The following DOCK2 variants were observed in gnomAD, a reference collection of about 807,000 sequenced individuals.
DOCK2 encodes dedicator of cytokinesis 2.
In DOCK2, 87 loss-of-function variants were observed where a neutral mutation model predicts 248.9. The observed-to-expected ratio is 0.35, with a 90% CI of 0.29 to 0.42. The LOEUF is 0.42. Ranked by LOEUF, DOCK2 falls within the 10% of genes least tolerant of loss-of-function variation. The pLI is 1.00. For synonymous variants in DOCK2, 805 were observed against 821.6 expected (o/e 0.98, Z 0.35); for missense variants, 1,747 against 2,300.2 (o/e 0.76, Z 4.92).
At chr5:169,890,171 C>T (rs976168272) in intron 27 of DOCK2, among the ~76,000 whole-genome samples, 2 of 152,244 alleles carry the variant, frequency 1.3e-5, no homozygotes, top group Non-Finnish European at 2.9e-5. Flanking sequence ...GACCCCGACT[C>T]TTCCTCCATT....
At chr5:170,057,303 G>A (rs1757165779) in intron 43 of DOCK2, 9 of 487,964 alleles carry the variant, frequency 1.8e-5, no homozygotes, top group South Asian at 2.1e-5. Context: ...GAAAACAAAT[G>A]GACACATTCA....
intron 32 of DOCK2, among the ~76,000 whole-genome samples, chr5:170,017,536 C>T (rs192613374): frequency 1.1e-4 from 16 of 152,248 alleles, no homozygotes; most frequent in African/African-American, 3.9e-4. Flanking sequence ...TCATTTTGAC[C>T]AAACATCACA....
Position 170,069,179 on chromosome 5 carries a change from C to A in DOCK2, c.4687C>A (p.Gln1563Lys), listed in dbSNP as rs1397592123. 2 of 1,614,122 alleles carry A rather than the reference C, an allele frequency of 1.2e-6. No homozygotes were observed. Among genetic ancestry groups the A allele is most frequent in the South Asian group, 2.2e-5 (2 of 91,064 alleles). Reference sequence around the variant, plus strand: ...GTATGTCAGGGACCACCCTGAGGACCAGGACAAGCTGACCCACCTCAAGGA... The same window carrying A: ...GTATGTCAGGGACCACCCTGAGGACAAGGACAAGCTGACCCACCTCAAGGA... Reference protein sequence around the residue: ...EEYVRDHPEDQDKLTHLKDLI... With the variant: ...EEYVRDHPEDKDKLTHLKDLI... The change falls in exon 46 of 52, where the codon CAG (glutamine) becomes AAG (lysine). Residue 1563 changes from glutamine (Q) to lysine (K), a missense_variant. Around this residue, in one of 4 missense-constraint regions of DOCK2, gnomAD observed 513 missense variants for 586.1 expected, o/e 0.88. Coordinates refer to ENST00000520908, the MANE Select transcript of DOCK2 (RefSeq NM_004946.3).
intron 30 of DOCK2, among the ~76,000 whole-genome samples, chr5:170,004,592 A>G (rs1229036962): frequency 6.6e-6 from 1 of 151,552 alleles, no homozygotes; most frequent in Non-Finnish European, 1.5e-5. Context: ...ACTATAAATC[A>G]TGCTGCTATA....
chr5:169,649,143 C>T (rs1051240462), intron 1 of DOCK2, among the ~76,000 whole-genome samples: 1 of 152,244 alleles, frequency 6.6e-6, no homozygotes, highest in Non-Finnish European at 1.5e-5. Context: ...AGTGGAGACT[C>T]TCCAAAGTGA....
At chr5:169,959,655 G>A (rs1056261380) in intron 27 of DOCK2, among the ~76,000 whole-genome samples, 1 of 152,138 alleles carries the variant, frequency 6.6e-6, no homozygotes. Context: ...TTGGACTAAA[G>A]GACTTTAGGG....
At chr5:169,927,815 A>G (rs1162021325) in intron 27 of DOCK2, among the ~76,000 whole-genome samples, 2 of 152,082 alleles carry the variant, frequency 1.3e-5, no homozygotes, top group Non-Finnish European at 2.9e-5. Context: ...ATGGGGTTTC[A>G]CTGTGTTAGC....
chr5:170,060,131 A>G (rs1757279056), intron 44 of DOCK2, among the ~76,000 whole-genome samples: 1 of 152,232 alleles, frequency 6.6e-6, no homozygotes. Context: ...CTTCAAGTAT[A>G]AGTTCTGCCT....
At chr5:169,997,009 A>G (rs1754662402) in intron 30 of DOCK2, among the ~76,000 whole-genome samples, 1 of 152,120 alleles carries the variant, frequency 6.6e-6, no homozygotes, top group African/African-American at 2.4e-5. Context: ...TGTTCAGCAT[A>G]TGGAGGATCC....
chr5:169,771,338 C>T (rs1765076042), intron 25 of DOCK2, among the ~76,000 whole-genome samples: 3 of 152,198 alleles, frequency 2.0e-5, no homozygotes, highest in Non-Finnish European at 4.4e-5. Context: ...TGGTGGAGTG[C>T]AGTGGCGTGA....
intron 10 of DOCK2, among the ~76,000 whole-genome samples, chr5:169,697,146 G>A (rs930052248): frequency 6.6e-6 from 1 of 152,118 alleles, no homozygotes; most frequent in Non-Finnish European, 1.5e-5. Flanking sequence ...AAAAGAAAAG[G>A]TACTTTATTG....
chr5:169,912,966 T>C lies in DOCK2; in HGVS notation c.2800-70102T>C, dbSNP rs75403341. 1.9e-3 allele frequency among the ~76,000 whole-genome samples: 291 copies of C among 152,328 alleles called. 4 individuals are homozygous for C. In the East Asian group the frequency reaches 0.025, roughly 13 times the overall value. ...TGAAGAAAGACAATTTAATGGGTGA[T>C]AATTTTGTATAGAATTTTCAAATTG... On this transcript the variant is annotated intron_variant, in intron 27 of 51. Coordinates refer to ENST00000520908, the MANE Select transcript of DOCK2 (RefSeq NM_004946.3).
At chr5:169,981,131 C>A (rs1358870752) in intron 27 of DOCK2, among the ~76,000 whole-genome samples, 2 of 152,190 alleles carry the variant, frequency 1.3e-5, no homozygotes, top group Non-Finnish European at 2.9e-5. Flanking sequence ...CTGGGACTCA[C>A]TAATTACATA....
At chr5:170,006,087 G>A (rs529666923) in intron 30 of DOCK2, among the ~76,000 whole-genome samples, 3 of 152,204 alleles carry the variant, frequency 2.0e-5, no homozygotes, top group Non-Finnish European at 2.9e-5. Flanking sequence ...TGTAAGCTCC[G>A]GACATAAGCA....
At chr5:169,987,359 A>T (rs1384254802) in intron 29 of DOCK2, among the ~76,000 whole-genome samples, 1 of 152,158 alleles carries the variant, frequency 6.6e-6, no homozygotes, top group East Asian at 1.9e-4. Context: ...GGATTTCATG[A>T]CCCGCCTTTG....
intron 44 of DOCK2, among the ~76,000 whole-genome samples, chr5:170,061,479 A>C (rs1581566782): frequency 6.6e-6 from 1 of 152,340 alleles, no homozygotes; most frequent in Non-Finnish European, 1.5e-5. Context: ...GCAATTGATA[A>C]GTGAGGTCAT....
chr5:169,949,104 C>G (rs1474351585), intron 27 of DOCK2, among the ~76,000 whole-genome samples: 1 of 152,180 alleles, frequency 6.6e-6, no homozygotes, highest in Non-Finnish European at 1.5e-5. Context: ...AAGTGTATAG[C>G]CCTGTATTCG....
intron 44 of DOCK2, among the ~76,000 whole-genome samples, chr5:170,060,859 G>A (rs1056914679): frequency 2.0e-5 from 3 of 151,982 alleles, no homozygotes; most frequent in African/African-American, 4.8e-5. Context: ...GTGAAACCCC[G>A]TCTCTACTAA....
intron 35 of DOCK2, among the ~76,000 whole-genome samples, chr5:170,034,923 G>A (rs1756270557): frequency 1.3e-5 from 2 of 152,144 alleles, no homozygotes; most frequent in Admixed American, 1.3e-4. Context: ...CTAAGGAAAT[G>A]TTCTGAAGTC....
Sources: gnomAD v4.1 joint callset for allele counts (sites outside exome capture counted in the v4.1 genomes callset) on GRCh38, gnomAD v4.1.1 for gene constraint, gnomAD v4.1.1 regional missense constraint, MANE v1.5 for transcripts, NCBI Gene and HGNC (gene_info 2026-07-23, HGNC 2026-07-21) for gene names.